Variants in MBD5 observed in about 807,000 individuals in gnomAD.
The protein encoded by MBD5 is methyl-CpG-binding domain protein 5.
In MBD5, 13 loss-of-function variants were observed where a neutral mutation model predicts 117.3. The observed-to-expected ratio is 0.11, with a 90% CI of 0.07 to 0.18. The LOEUF is 0.18. Among genes scored for constraint, MBD5 ranks in the 10% least tolerant of loss-of-function variants. The pLI, the probability that MBD5 is intolerant of heterozygous loss-of-function variation, is 1.00. For synonymous variants in MBD5, 727 were observed against 766.4 expected, an observed-to-expected ratio of 0.95 and a Z score of 0.85; for missense variants, 1,879 against 2,093.8, an observed-to-expected ratio of 0.90 and a Z score of 2.00.
At chr2:148,165,113 C>G (rs1332323698) in intron 1 of MBD5, among the ~76,000 whole-genome samples, 1 of 152,124 alleles carries the variant, frequency 6.6e-6, no homozygotes, top group Non-Finnish European at 1.5e-5. Flanking sequence ...ACCTAACAAT[C>G]TACATATTAT....
At chr2:148,350,889 T>A (rs1213139041) in intron 4 of MBD5, among the ~76,000 whole-genome samples, 3 of 151,980 alleles carry the variant, frequency 2.0e-5, no homozygotes, top group African/African-American at 7.2e-5. Context: ...CTTTTTCTAG[T>A]TGAGGCTGAC....
intron 4 of MBD5, among the ~76,000 whole-genome samples, chr2:148,396,003 ATGT>A (rs1704703803): frequency 6.6e-6 from 1 of 151,920 alleles, no homozygotes; most frequent in Non-Finnish European, 1.5e-5. Context: ...CTCTCTTTTG[ATGT>A]TGTTTTTTTC....
intron 2 of MBD5, among the ~76,000 whole-genome samples, chr2:148,179,463 A>T (rs532890994): frequency 6.6e-6 from 1 of 152,236 alleles, no homozygotes; most frequent in South Asian, 2.1e-4. Context: ...CACTGTTTTC[A>T]TGTATTTATT....
At chr2:148,076,012 G>A (rs144071413) in intron 1 of MBD5, among the ~76,000 whole-genome samples, 10 of 152,218 alleles carry the variant, frequency 6.6e-5, no homozygotes, top group African/African-American at 2.2e-4. Context: ...TGTAAATAAC[G>A]TCTGTATAGT....
intron 1 of MBD5, among the ~76,000 whole-genome samples, chr2:148,074,480 G>GTTTGTTTTTTT (rs1360922070): frequency 5.7e-5 from 7 of 123,478 alleles, no homozygotes; most frequent in Middle Eastern, 3.8e-3. Context: ...CAAAGGAATA[G>GTTTGTTTTTTT]TTTGTTTTTT....
chr2:148,084,335 A>T (rs1487123109), intron 1 of MBD5, among the ~76,000 whole-genome samples: 1 of 152,238 alleles, frequency 6.6e-6, no homozygotes, highest in South Asian at 2.1e-4. Context: ...AAATATTCTA[A>T]CATGAAGGAC....
Position 148,248,488 on chromosome 2 carries a change from C to T in MBD5, c.-680+15093C>T, listed in dbSNP as rs73964463. On this transcript the variant is annotated intron_variant, in intron 3 of 13. Coordinates refer to ENST00000642680, the MANE Select transcript of MBD5 (RefSeq NM_001378120.1). ...AAGAAATCTACCTTCAATATAGGAC[C>T]CCAAAAATTTCCACAGGTAAAATTC... 6.1e-3 allele frequency among the ~76,000 whole-genome samples: 922 copies of T among 151,992 alleles called. 9 individuals carry two copies. Among genetic ancestry groups the T allele is most frequent in the African/African-American group, 0.021 (861 of 41,478 alleles).
At chr2:148,056,868 TGA>T (rs1245958963) in intron 1 of MBD5, among the ~76,000 whole-genome samples, 1 of 151,894 alleles carries the variant, frequency 6.6e-6, no homozygotes, top group Non-Finnish European at 1.5e-5. Flanking sequence ...TTTGTGTGTG[TGA>T]GAGCATTTTT....
intron 4 of MBD5, among the ~76,000 whole-genome samples, chr2:148,435,510 G>C (rs1228237425): frequency 6.6e-6 from 1 of 152,078 alleles, no homozygotes; most frequent in African/African-American, 2.4e-5. Flanking sequence ...AGCTTAGTTT[G>C]CCTGGATATG....
intron 4 of MBD5, among the ~76,000 whole-genome samples, chr2:148,421,130 T>C (rs1340254470): frequency 2.0e-5 from 3 of 152,264 alleles, no homozygotes; most frequent in East Asian, 3.9e-4. Context: ...AGAGGTCTAA[T>C]CTCAAGATGG....
At chr2:148,441,644 T>C (rs1706327229) in intron 4 of MBD5, among the ~76,000 whole-genome samples, 1 of 152,140 alleles carries the variant, frequency 6.6e-6, no homozygotes, top group Non-Finnish European at 1.5e-5. Context: ...CTGGGTCAAA[T>C]GGTATTTCTA....
intron 4 of MBD5, among the ~76,000 whole-genome samples, chr2:148,372,776 T>C (rs986621129): frequency 2.6e-5 from 4 of 152,068 alleles, no homozygotes; most frequent in Admixed American, 1.3e-4. Flanking sequence ...GAGAGTATAG[T>C]GGGCTCAAGA....
chr2:148,365,425 AG>A (rs1336984694), intron 4 of MBD5, among the ~76,000 whole-genome samples: 7 of 152,194 alleles, frequency 4.6e-5, no homozygotes, highest in African/African-American at 1.7e-4. Flanking sequence ...CACAATTAAA[AG>A]GAGTAGAGAA....
intron 1 of MBD5, among the ~76,000 whole-genome samples, chr2:148,077,888 A>T (rs1326253986): frequency 6.6e-6 from 1 of 152,156 alleles, no homozygotes; most frequent in Non-Finnish European, 1.5e-5. Flanking sequence ...ATCAGAGCTC[A>T]ATTTATGATA....
chr2:148,430,999 T>G (rs999380654), intron 4 of MBD5, among the ~76,000 whole-genome samples: 1 of 152,122 alleles, frequency 6.6e-6, no homozygotes, highest in African/African-American at 2.4e-5. Flanking sequence ...GTTTACTGAT[T>G]GGAGTACAGT....
At position 148,489,638 on chromosome 2, in the gene MBD5, G is replaced by A; in HGVS notation, c.4006G>A (p.Val1336Ile). 4 of 1,614,144 alleles carry A rather than the reference G, an allele frequency of 2.5e-6. No individual in the cohort carries two copies. Among genetic ancestry groups the A allele is most frequent in the Non-Finnish European group, 3.4e-6 (4 of 1,180,022 alleles). Reference protein sequence around the residue: ...VDAASKGMQVVITTAVNSTTQ... With the variant: ...VDAASKGMQVIITTAVNSTTQ... ...TGCAGCCAGCAAAGGAATGCAGGTT[G>A]TCATCACCACTGCAGTCAACAGTAC... Residue 1336 changes from valine (V) to isoleucine (I), a missense_variant, in exon 11 of 14, where the codon GTC becomes ATC. Around this residue, in one of 4 missense-constraint regions of MBD5, gnomAD observed 1,666 missense variants for 1,792.2 expected, o/e 0.93. Coordinates refer to ENST00000642680, the MANE Select transcript of MBD5 (RefSeq NM_001378120.1).
intron 1 of MBD5, among the ~76,000 whole-genome samples, chr2:148,092,831 TAAACA>T (rs1221977019): frequency 3.4e-5 from 5 of 148,900 alleles, no homozygotes; most frequent in African/African-American, 5.0e-5. Flanking sequence ...AAAAAAAATT[TAAACA>T]AAACAAAACA....
chr2:148,293,559 T>G (rs1383237157), intron 3 of MBD5, among the ~76,000 whole-genome samples: 1 of 152,216 alleles, frequency 6.6e-6, no homozygotes, highest in Non-Finnish European at 1.5e-5. Context: ...TCATATCATC[T>G]TAAATCGAGA....
intron 4 of MBD5, among the ~76,000 whole-genome samples, chr2:148,375,309 T>C (rs1201219599): frequency 6.6e-6 from 1 of 152,210 alleles, no homozygotes; most frequent in Non-Finnish European, 1.5e-5. Context: ...AGGAACATGT[T>C]AAAGTTATCT....
Sources: gnomAD v4.1 joint callset for allele counts (sites outside exome capture counted in the v4.1 genomes callset) on GRCh38, gnomAD v4.1.1 for gene constraint, gnomAD v4.1.1 regional missense constraint, MANE v1.5 for transcripts, NCBI Gene and HGNC (gene_info 2026-07-23, HGNC 2026-07-21) for gene names.